RAB27B: variants seen among roughly 807,000 people sequenced by gnomAD.
RAB27B encodes ras-related protein Rab-27B.
Under a neutral mutation model 24.6 loss-of-function variants are expected in RAB27B, and 15 were observed. That is an observed-to-expected ratio of 0.61 (90% CI 0.41 to 0.94). The LOEUF (loss-of-function observed/expected upper bound fraction) is 0.94. Ranked by LOEUF, RAB27B falls within the 40% of genes least tolerant of loss-of-function variation. RAB27B has a pLI of 0.00. For missense variants in RAB27B, 261 were observed against 266.8 expected (o/e 0.98, Z 0.15); for synonymous variants, 105 against 92.5 (o/e 1.14, Z -0.78).
intron 1 of RAB27B, among the ~76,000 whole-genome samples, chr18:54,859,067 T>TA (rs905582228): frequency 9.2e-5 from 14 of 152,164 alleles, no homozygotes; most frequent in African/African-American, 3.1e-4. Context: ...CCATATTTTT[T>TA]CCTGGCCAGG....
chr18:54,863,029 A>G (rs1912068099), intron 1 of RAB27B, among the ~76,000 whole-genome samples: 1 of 152,222 alleles, frequency 6.6e-6, no homozygotes, highest in Non-Finnish European at 1.5e-5. Flanking sequence ...AAAGGCAACC[A>G]GATTTTGAGG....
intron 2 of RAB27B, among the ~76,000 whole-genome samples, chr18:54,782,256 C>T (rs964017434): frequency 1.3e-5 from 2 of 152,190 alleles, no homozygotes; most frequent in Non-Finnish European, 2.9e-5. Flanking sequence ...CCTGATATAT[C>T]ATTTTCGTGT....
intron 2 of RAB27B, among the ~76,000 whole-genome samples, chr18:54,718,534 T>A (rs1173953285): frequency 6.6e-6 from 1 of 152,196 alleles, no homozygotes; most frequent in Non-Finnish European, 1.5e-5. Context: ...AATACTCCTA[T>A]CATAGATGTA....
At chr18:54,839,077 C>T (rs1002707205) in intron 1 of RAB27B, among the ~76,000 whole-genome samples, 1 of 151,990 alleles carries the variant, frequency 6.6e-6, no homozygotes, top group African/African-American at 2.4e-5. Context: ...TTATGATGAA[C>T]ACTTGTGAAT....
chr18:54,870,784 A>G (rs1326319960), intron 1 of RAB27B, among the ~76,000 whole-genome samples: 1 of 152,190 alleles, frequency 6.6e-6, no homozygotes, highest in Non-Finnish European at 1.5e-5. Context: ...AGGTTGAGAG[A>G]TCTTGTTCTA....
chr18:54,784,613 C>A (rs953749657), intron 2 of RAB27B, among the ~76,000 whole-genome samples: 1 of 152,206 alleles, frequency 6.6e-6, no homozygotes, highest in Non-Finnish European at 1.5e-5. Context: ...TGGCCTCCAG[C>A]TGCATCCATG....
chr18:54,776,418 C>G (rs1433098575), intron 2 of RAB27B, among the ~76,000 whole-genome samples: 1 of 152,058 alleles, frequency 6.6e-6, no homozygotes, highest in Non-Finnish European at 1.5e-5. Context: ...TCAGTAAAGC[C>G]CAACTGGCTG....
intron 2 of RAB27B, chr18:54,745,433 T>A (rs189388328): frequency 6.5e-6 from 1 of 153,830 alleles, no homozygotes; most frequent in East Asian, 1.9e-4. Flanking sequence ...GCTGCATATC[T>A]TGAGTTCACT....
At chr18:54,837,445 A>C (rs551558673) in intron 1 of RAB27B, among the ~76,000 whole-genome samples, 42 of 152,238 alleles carry the variant, frequency 2.8e-4, no homozygotes, top group African/African-American at 1.0e-3. Flanking sequence ...ATACAAAAGG[A>C]AAGGCAGGTT....
At chr18:54,826,297 A>G (rs1359624624), upstream of RAB27B, among the ~76,000 whole-genome samples, 1 of 152,200 alleles carries the variant, frequency 6.6e-6, no homozygotes, top group African/African-American at 2.4e-5. Context: ...TATTATTATC[A>G]TGACACACAA....
Position 54,760,436 on chromosome 18 carries a change from G to A in RAB27B, c.-20+42295G>A, listed in dbSNP as rs58231439. ...TAGACAACTTGAAATTTTATTCTGA[G>A]TGAGGTGAAATGCTATGAAGGGTTT... is the stretch of plus-strand genomic sequence containing the variant. On this transcript the variant is annotated intron_variant, in intron 2 of 4. Coordinates refer to the RAB27B transcript ENST00000586570. Among the ~76,000 whole-genome samples the A allele has an allele frequency of 1.9e-3, 295 of 152,242 alleles. 1 individual carries two copies. Among genetic ancestry groups the A allele is most frequent in the African/African-American group, 7.0e-3 (289 of 41,548 alleles).
chr18:54,730,869 T>C (rs1417340280), intron 2 of RAB27B, among the ~76,000 whole-genome samples: 5 of 152,216 alleles, frequency 3.3e-5, no homozygotes, highest in Non-Finnish European at 7.3e-5. Flanking sequence ...TTTATAGTAA[T>C]GCAAGAACGT....
chr18:54,719,970 T>C (rs1374977704), intron 2 of RAB27B, among the ~76,000 whole-genome samples: 1 of 152,102 alleles, frequency 6.6e-6, no homozygotes, highest in East Asian at 1.9e-4. Flanking sequence ...ATTCATTGAA[T>C]TCAATGATGA....
intron 2 of RAB27B, among the ~76,000 whole-genome samples, chr18:54,776,873 C>A (rs552716635): frequency 4.7e-4 from 72 of 152,066 alleles, no homozygotes; most frequent in African/African-American, 1.6e-3. Context: ...GGCGAAACAC[C>A]GTCTCTACTA....
chr18:54,876,031 A>C (rs559032044), intron 1 of RAB27B, among the ~76,000 whole-genome samples: 8 of 152,258 alleles, frequency 5.3e-5, no homozygotes, highest in African/African-American at 1.9e-4. Context: ...AAAGAGGTTT[A>C]ATTGACTCAC....
chr18:54,889,264 G>A lies in RAB27B; in HGVS notation c.508G>A (p.Val170Met), dbSNP rs1414235076. 1 of 1,612,572 alleles carries A rather than the reference G, an allele frequency of 6.2e-7. No individual in the cohort carries two copies. Among genetic ancestry groups the A allele is most frequent in the Non-Finnish European group, 8.5e-7 (1 of 1,179,140 alleles). Residue 170 changes from valine to methionine, a missense_variant, in exon 6 of 6, where the codon GTG (valine) becomes ATG (methionine). Coordinates refer to ENST00000262094, the MANE Select transcript of RAB27B (RefSeq NM_004163.4). Reference protein sequence around the residue: ...FETSAATGQNVEKAVETLLDL... With the variant: ...FETSAATGQNMEKAVETLLDL... Reference sequence around the variant, plus strand: ...AACAAGTGCAGCAACTGGACAGAATGTGGAGAAAGCTGTAGAAACCCTTTT... The same window carrying A: ...AACAAGTGCAGCAACTGGACAGAATATGGAGAAAGCTGTAGAAACCCTTTT...
intron 1 of RAB27B, among the ~76,000 whole-genome samples, chr18:54,873,857 G>A (rs1007772115): frequency 7.2e-5 from 11 of 152,086 alleles, no homozygotes; most frequent in Non-Finnish European, 1.2e-4. Flanking sequence ...AGCTTAATAT[G>A]TCAAATAGCC....
chr18:54,887,581 C>T (rs1297666877), intron 4 of RAB27B, among the ~76,000 whole-genome samples: 1 of 151,960 alleles, frequency 6.6e-6, no homozygotes, highest in African/African-American at 2.4e-5. Flanking sequence ...AATAAAAGCA[C>T]CTAACATTTA....
At chr18:54,753,971 C>T (rs1907918044) in intron 2 of RAB27B, among the ~76,000 whole-genome samples, 1 of 152,126 alleles carries the variant, frequency 6.6e-6, no homozygotes, top group African/African-American at 2.4e-5. Flanking sequence ...AAATGGTGCC[C>T]TGTTTACAGA....
Sources: allele counts gnomAD v4.1 joint callset (sites outside exome capture counted in the v4.1 genomes callset), GRCh38; gene constraint gnomAD v4.1.1; transcripts MANE v1.5; gene names NCBI Gene and HGNC (gene_info 2026-07-23, HGNC 2026-07-21).